The following SLC25A26 variants were observed in gnomAD, a reference collection of about 807,000 sequenced individuals.
The protein encoded by SLC25A26 is solute carrier family 25 member 26.
SLC25A26 carries 36 observed loss-of-function variants against 37.8 expected under a neutral mutation model. The ratio of observed to expected loss-of-function variants is 0.95; its 90% CI spans 0.73 to 1.26. The LOEUF (loss-of-function observed/expected upper bound fraction) is 1.26, where lower values mean the gene tolerates loss of function less well. SLC25A26 is among the 50% of genes most tolerant of loss of function. The probability of loss-of-function intolerance (pLI) is 0.00; values close to 1 mark genes in which losing one functional copy is unlikely to be tolerated. For missense variants in SLC25A26, 390 were observed against 331.1 expected (o/e 1.18, Z -1.38); for synonymous variants, 129 against 122.5 (o/e 1.05, Z -0.35).
At chr3:66,301,846 C>T (rs1160560221) in intron 5 of SLC25A26, among the ~76,000 whole-genome samples, 1 of 152,158 alleles carries the variant, frequency 6.6e-6, no homozygotes, top group East Asian at 1.9e-4. Context: ...CAAATCCCAG[C>T]TCCAGTACTT....
chr3:66,276,213 A>G (rs1185675774), intron 5 of SLC25A26, among the ~76,000 whole-genome samples: 1 of 152,162 alleles, frequency 6.6e-6, no homozygotes, highest in Non-Finnish European at 1.5e-5. Context: ...AAACTGTAAG[A>G]CATCAGCCTG....
intron 5 of SLC25A26, among the ~76,000 whole-genome samples, chr3:66,287,776 T>G (rs2107489482): frequency 6.6e-6 from 1 of 152,382 alleles, no homozygotes; most frequent in Admixed American, 6.5e-5. Flanking sequence ...GATTACTGTT[T>G]ACTTTGTGCT....
At chr3:66,269,884 C>G (rs1435763601) in intron 5 of SLC25A26, among the ~76,000 whole-genome samples, 1 of 152,132 alleles carries the variant, frequency 6.6e-6, no homozygotes, top group Non-Finnish European at 1.5e-5. Flanking sequence ...TTCCAGATAG[C>G]GTGTAAATCC....
At chr3:66,224,085 ATAAAAT>A (rs1245470486) in intron 1 of SLC25A26, among the ~76,000 whole-genome samples, 2 of 152,332 alleles carry the variant, frequency 1.3e-5, no homozygotes, top group South Asian at 4.1e-4. Flanking sequence ...TGCTTATGAG[ATAAAAT>A]TAAGAGAAAA....
chr3:66,261,349 C>A (rs2306499), intron 3 of SLC25A26, among the ~76,000 whole-genome samples: 24,414 of 152,156 alleles, frequency 0.16, 2,404 homozygotes, highest in Non-Finnish European at 0.23. Flanking sequence ...TTGACTAATT[C>A]TTTATTGTTT....
chr3:66,366,913 C>T (rs2076835828), intron 7 of SLC25A26, among the ~76,000 whole-genome samples: 2 of 152,188 alleles, frequency 1.3e-5, no homozygotes, highest in African/African-American at 4.8e-5. Flanking sequence ...ATAGTAACAC[C>T]TATGCAAATG....
chr3:66,249,312 A>AC (rs2072986469), intron 3 of SLC25A26, among the ~76,000 whole-genome samples: 1 of 151,852 alleles, frequency 6.6e-6, no homozygotes, highest in Non-Finnish European at 1.5e-5. Context: ...AGGCCGTTGG[A>AC]CCCCCTTTGT....
intron 5 of SLC25A26, among the ~76,000 whole-genome samples, chr3:66,322,682 CT>C (rs1419625505): frequency 6.6e-6 from 1 of 152,188 alleles, no homozygotes; most frequent in East Asian, 1.9e-4. Flanking sequence ...TGAATGTAGA[CT>C]TAGAATTTGA....
intron 7 of SLC25A26, 122 bp from the exon 8 acceptor site, chr3:66,369,356 G>T (rs1700222058): frequency 5.2e-6 from 4 of 775,244 alleles, no homozygotes; most frequent in African/African-American, 3.5e-5. Context: ...TGTGCATCCT[G>T]TTCTTCAATC....
chr3:66,369,360 TTCAA>T lies in SLC25A26; in HGVS notation c.569-114_569-111del, dbSNP rs1700222623. The T allele has an allele frequency of 8.8e-6, 7 of 799,716 alleles. No homozygotes were observed. In the Admixed American group the frequency reaches 1.1e-4, roughly 12 times the overall value. 49.5% of individuals were successfully genotyped at this position (799,716 alleles called of 1,614,324 possible). A position where few individuals can be genotyped will look rare whatever the true frequency, so the allele number is the denominator to read the frequency against. ...GATTGTGCATGTGTGCATCCTGTTC[TTCAA>T]TCAGCCAGGTGTACATAATGACGAA... On this transcript the variant is annotated intron_variant, in intron 7 of 9. Coordinates refer to ENST00000354883, the MANE Select transcript of SLC25A26 (RefSeq NM_001379210.1).
chr3:66,282,289 G>A (rs1251941950), intron 5 of SLC25A26, among the ~76,000 whole-genome samples: 2 of 152,292 alleles, frequency 1.3e-5, no homozygotes, highest in Middle Eastern at 3.4e-3. Flanking sequence ...GGGATTACAG[G>A]CGTGAGCCAC....
intron 1 of SLC25A26, among the ~76,000 whole-genome samples, chr3:66,196,218 A>T (rs2071042406): frequency 6.6e-6 from 1 of 152,232 alleles, no homozygotes; most frequent in Admixed American, 6.5e-5. Context: ...ATTTGTTCAT[A>T]AGAATTTATC....
chr3:66,294,913 G>A (rs1394361319), intron 5 of SLC25A26, among the ~76,000 whole-genome samples: 1 of 152,094 alleles, frequency 6.6e-6, no homozygotes, highest in African/African-American at 2.4e-5. Flanking sequence ...ACATTTAAAA[G>A]ATCTCAAATG....
intron 5 of SLC25A26, among the ~76,000 whole-genome samples, chr3:66,316,606 T>G (rs2075546851): frequency 6.6e-6 from 1 of 152,132 alleles, no homozygotes; most frequent in African/African-American, 2.4e-5. Flanking sequence ...GGGGTTGATA[T>G]TCTCATGGAG....
intron 6 of SLC25A26, chr3:66,356,118 T>C (rs1234377013): frequency 2.2e-6 from 1 of 455,940 alleles, no homozygotes; most frequent in Non-Finnish European, 4.4e-6. Context: ...AAAACAGTTA[T>C]TTTCAGTGTG....
intron 5 of SLC25A26, among the ~76,000 whole-genome samples, chr3:66,331,601 T>C: frequency 6.6e-6 from 1 of 152,212 alleles, no homozygotes; most frequent in Non-Finnish European, 1.5e-5. Context: ...TTGCTGCATA[T>C]TTTAACTTGC....
At chr3:66,165,472 T>A (rs1302567473) in intron 1 of SLC25A26, among the ~76,000 whole-genome samples, 1 of 152,186 alleles carries the variant, frequency 6.6e-6, no homozygotes, top group Admixed American at 6.5e-5. Flanking sequence ...TGGGAATGCC[T>A]TAGTTTCCAG....
intron 6 of SLC25A26, among the ~76,000 whole-genome samples, chr3:66,361,948 C>T (rs1234982532): frequency 6.6e-6 from 1 of 151,932 alleles, no homozygotes; most frequent in African/African-American, 2.4e-5. Context: ...GCACTCCAGC[C>T]TGGGTGACAG....
chr3:66,345,028 T>C (rs1362740767), intron 5 of SLC25A26, among the ~76,000 whole-genome samples: 1 of 152,184 alleles, frequency 6.6e-6, no homozygotes, highest in Non-Finnish European at 1.5e-5. Context: ...GAAATAAAGC[T>C]TACAAAGTGC....
Sources: gnomAD v4.1 joint callset for allele counts (sites outside exome capture counted in the v4.1 genomes callset) on GRCh38, gnomAD v4.1.1 for gene constraint, MANE v1.5 for transcripts, NCBI Gene and HGNC (gene_info 2026-07-23, HGNC 2026-07-21) for gene names.